The following RELN variants were observed in gnomAD, a reference collection of about 807,000 sequenced individuals.
The protein encoded by RELN is reelin.
Under a neutral mutation model 427.6 loss-of-function variants are expected in RELN, and 108 were observed. The observed-to-expected ratio is 0.25, with a 90% CI of 0.22 to 0.30. The LOEUF (loss-of-function observed/expected upper bound fraction) is 0.30. Among genes scored for constraint, RELN ranks in the 10% least tolerant of loss-of-function variants. The probability of loss-of-function intolerance (pLI) is 1.00; values close to 1 mark genes in which losing one functional copy is unlikely to be tolerated. For missense variants in RELN, 3,715 were observed against 4,302.8 expected, an observed-to-expected ratio of 0.86 and a Z score of 3.82; for synonymous variants, 1,524 against 1,513.4, an observed-to-expected ratio of 1.01 and a Z score of -0.16.
intron 60 of RELN, among the ~76,000 whole-genome samples, 179 bp downstream of exon 60, chr7:103,489,563 C>T (rs148579236): frequency 6.6e-6 from 1 of 152,264 alleles, no homozygotes; most frequent in East Asian, 1.9e-4. Context: ...AGGAATATTG[C>T]ATAAATCTAT....
At chr7:103,781,744 C>T (rs934402831) in intron 3 of RELN, among the ~76,000 whole-genome samples, 6 of 151,960 alleles carry the variant, frequency 3.9e-5, no homozygotes, top group Non-Finnish European at 7.4e-5. Context: ...TCCACCAAGT[C>T]CTCCAATTTG....
intron 32 of RELN, 55 bp from the exon 33 acceptor site, chr7:103,566,467 A>G (rs1036484334): frequency 1.9e-6 from 3 of 1,590,190 alleles, no homozygotes; most frequent in African/African-American, 1.3e-5. Flanking sequence ...AGCAATATGA[A>G]TATCTTCATG....
At chr7:103,917,961 T>C (rs1284333712) in intron 1 of RELN, among the ~76,000 whole-genome samples, 1 of 152,110 alleles carries the variant, frequency 6.6e-6, no homozygotes, top group Non-Finnish European at 1.5e-5. Flanking sequence ...TTTTATAAGA[T>C]TGAGATGATG....
At chr7:103,511,174 T>G (rs532405527) in intron 50 of RELN, among the ~76,000 whole-genome samples, 169 bp from the exon 51 acceptor site, 3 of 152,166 alleles carry the variant, frequency 2.0e-5, no homozygotes, top group Non-Finnish European at 4.4e-5. Flanking sequence ...ACATAAATAC[T>G]AGGAGGATTG....
At chr7:103,497,266 G>C (rs1381428643) in intron 55 of RELN, among the ~76,000 whole-genome samples, 1 of 152,132 alleles carries the variant, frequency 6.6e-6, no homozygotes, top group Non-Finnish European at 1.5e-5. Flanking sequence ...CTGTTAATCA[G>C]CTAGTTATTA....
intron 8 of RELN, among the ~76,000 whole-genome samples, chr7:103,704,224 C>T (rs1031674241): frequency 3.9e-5 from 6 of 152,122 alleles, no homozygotes; most frequent in Non-Finnish European, 1.5e-5. Context: ...TACTCAACCC[C>T]ATAATATATA....
intron 2 of RELN, among the ~76,000 whole-genome samples, chr7:103,916,592 T>C (rs1795486391): frequency 6.6e-6 from 1 of 152,198 alleles, no homozygotes; most frequent in Non-Finnish European, 1.5e-5. Flanking sequence ...ATTTTAAGTA[T>C]TAAATAGGAT....
At chr7:103,635,973 CTT>C (rs1321895540) in intron 18 of RELN, among the ~76,000 whole-genome samples, 2 of 152,104 alleles carry the variant, frequency 1.3e-5, no homozygotes, top group African/African-American at 2.4e-5. Flanking sequence ...TTAACTAGCT[CTT>C]GGCTTAAGAA....
chr7:103,602,337 A>G (rs1831690757), intron 24 of RELN, among the ~76,000 whole-genome samples: 1 of 152,202 alleles, frequency 6.6e-6, no homozygotes, highest in South Asian at 2.1e-4. Context: ...ATGGGTATAT[A>G]CCCAAAGGAT....
chr7:103,652,251 C>CTTTTTTTTT (rs554972597), intron 14 of RELN, among the ~76,000 whole-genome samples: 5 of 139,954 alleles, frequency 3.6e-5, no homozygotes, highest in Admixed American at 7.2e-5. Flanking sequence ...TTTTCAGTTG[C>CTTTTTTTTT]TTTTTTTTTT....
chr7:103,577,253 T>C (rs1011326048), intron 28 of RELN, among the ~76,000 whole-genome samples: 5 of 152,206 alleles, frequency 3.3e-5, no homozygotes, highest in Admixed American at 6.5e-5. Context: ...TCTTTTTGGC[T>C]CTTCAAGTGG....
chr7:103,661,563 A>T (rs770774938), intron 11 of RELN, 36 bp from the exon 12 acceptor site: 69 of 1,586,514 alleles, frequency 4.3e-5, no homozygotes, highest in Admixed American at 2.0e-4. Context: ...TAGAGTTAGA[A>T]TATTAAGCCA....
At position 103,563,244 on chromosome 7, in the gene RELN, G is replaced by A. The variant is rs1330841778; in HGVS notation, c.5211-1291C>T. 1.3e-5 allele frequency among the ~76,000 whole-genome samples: 2 copies of A among 152,068 alleles called. No individual in the cohort carries two copies. Among genetic ancestry groups the A allele is most frequent in the African/African-American group, 2.4e-5 (1 of 41,390 alleles). ...TGTGCTGCATAATGACGTTTCTGTC[G>A]ATGATGGACTGCATTTATGACAATG... On this transcript the variant is annotated intron_variant, in intron 34 of 64. Coordinates refer to ENST00000428762, the MANE Select transcript of RELN (RefSeq NM_005045.4). The surrounding 1 kb of genome is among the most constrained non-coding windows in gnomAD (Gnocchi z 4.1).
intron 5 of RELN, among the ~76,000 whole-genome samples, chr7:103,751,424 C>T (rs1490483760): frequency 3.3e-5 from 5 of 152,198 alleles, no homozygotes; most frequent in Non-Finnish European, 1.5e-5. Flanking sequence ...AGCAGGCAAG[C>T]ACGTAATGAA....
chr7:103,975,515 G>GTTTGTATTTATT (rs35356053), intron 1 of RELN, among the ~76,000 whole-genome samples: 10 of 141,826 alleles, frequency 7.1e-5, no homozygotes, highest in African/African-American at 1.8e-4. Flanking sequence ...GAATGGAGCA[G>GTTTGTATTTATT]TATTTATTTA....
At chr7:103,621,137 GT>G (rs1375996789) in intron 20 of RELN, among the ~76,000 whole-genome samples, 1 of 152,096 alleles carries the variant, frequency 6.6e-6, no homozygotes, top group Non-Finnish European at 1.5e-5. Context: ...ATGCACCTAT[GT>G]CTCATGTTAA....
chr7:103,801,247 T>C (rs1350395827), intron 3 of RELN, among the ~76,000 whole-genome samples: 4 of 152,170 alleles, frequency 2.6e-5, no homozygotes, highest in African/African-American at 7.2e-5. Flanking sequence ...ACCCAAAGGA[T>C]TATAAATCAT....
intron 2 of RELN, among the ~76,000 whole-genome samples, chr7:103,855,156 A>G (rs34489535): frequency 0.14 from 21,857 of 152,278 alleles, 1,871 homozygotes; most frequent in East Asian, 0.34. Context: ...TCTTGAAAGA[A>G]AGAGTAAAAT....
Position 103,529,067 on chromosome 7 carries a change from C to T in RELN, c.7350-5536G>A, listed in dbSNP as rs187555497. On this transcript the variant is annotated intron_variant, in intron 46 of 64. Coordinates refer to ENST00000428762, the MANE Select transcript of RELN (RefSeq NM_005045.4). ...AGGAGAATCGCTTGAACCTGGGAGG[C>T]GGAGGTTGCAGTGAGCCGAGATCAC... Among the ~76,000 whole-genome samples, 394 of 149,934 alleles carry T rather than the reference C, an allele frequency of 2.6e-3. 1 individual carries two copies. The highest frequency in any genetic ancestry group is 6.3e-3 in the Admixed American group (94 of 15,030).
Sources: allele counts gnomAD v4.1 joint callset (sites outside exome capture counted in the v4.1 genomes callset), GRCh38; gene constraint gnomAD v4.1.1; non-coding constraint Gnocchi (gnomAD v3.1); transcripts MANE v1.5; gene names NCBI Gene and HGNC (gene_info 2026-07-23, HGNC 2026-07-21).